The following NEDD4L variants were observed in gnomAD, a reference collection of about 807,000 sequenced individuals.
NEDD4L encodes E3 ubiquitin-protein ligase NEDD4-like.
In NEDD4L, 54 loss-of-function variants were observed where a neutral mutation model predicts 148.9. That is an observed-to-expected ratio of 0.36 (90% CI 0.29 to 0.45). The LOEUF (loss-of-function observed/expected upper bound fraction) is 0.45, where lower values mean the gene tolerates loss of function less well. Among genes scored for constraint, NEDD4L ranks in the 20% least tolerant of loss-of-function variants. The pLI is 1.00. For missense variants in NEDD4L, 856 were observed against 1,233.8 expected (o/e 0.69, Z 4.59); for synonymous variants, 433 against 440.7 (o/e 0.98, Z 0.22).
intron 5 of NEDD4L, among the ~76,000 whole-genome samples, chr18:58,296,933 AAAAGTT>A (rs2149200766): frequency 6.6e-6 from 1 of 151,176 alleles, no homozygotes; most frequent in Admixed American, 6.6e-5. Context: ...AAAAAAGAAA[AAAAGTT>A]AAACGAGTGT....
At chr18:58,285,883 A>G (rs978537685) in intron 5 of NEDD4L, among the ~76,000 whole-genome samples, 3 of 152,264 alleles carry the variant, frequency 2.0e-5, no homozygotes, top group South Asian at 2.1e-4. Context: ...TTTAAACAAC[A>G]TGTTCAGCAA....
At chr18:58,388,195 ACTGT>A (rs1249242585) in intron 27 of NEDD4L, 4 of 152,368 alleles carry the variant, frequency 2.6e-5, no homozygotes, top group East Asian at 1.9e-4. Flanking sequence ...CAGGGGAAAG[ACTGT>A]CTGTTGAGAA....
chr18:58,310,440 G>C (rs112990292), intron 5 of NEDD4L, among the ~76,000 whole-genome samples: 3 of 152,214 alleles, frequency 2.0e-5, no homozygotes, highest in Non-Finnish European at 4.4e-5. Context: ...GTGAATTTTG[G>C]TAGGAGTATG....
intron 5 of NEDD4L, among the ~76,000 whole-genome samples, chr18:58,281,308 CTTT>C (rs113081403): frequency 6.8e-6 from 1 of 146,336 alleles, no homozygotes. Context: ...AGTCTCTCTC[CTTT>C]TTTTTTTTTT....
rs532292184 is a variant in NEDD4L, at chr18:58,178,311, T to C, written c.122+12450T>C. Among the ~76,000 whole-genome samples the C allele has an allele frequency of 4.0e-4, 61 of 152,372 alleles. No homozygotes were observed. In the South Asian group the frequency reaches 5.0e-3, roughly 12 times the overall value. On this transcript the variant is annotated intron_variant, in intron 2 of 30. Coordinates refer to ENST00000400345, the MANE Select transcript of NEDD4L (RefSeq NM_001144967.3). ...AGATAGTGCAGTAGCTTTTTATTTA[T>C]TTTCTTTTCCATTCAAGGGTAACAT... is the stretch of plus-strand genomic sequence containing the variant.
At chr18:58,270,452 C>T (rs2050876485) in intron 5 of NEDD4L, among the ~76,000 whole-genome samples, 2 of 152,116 alleles carry the variant, frequency 1.3e-5, no homozygotes, top group East Asian at 3.9e-4. Context: ...AATGAACTGC[C>T]CATAGTCTGG....
intron 2 of NEDD4L, among the ~76,000 whole-genome samples, chr18:58,191,497 A>T (rs568064369): frequency 1.2e-4 from 18 of 152,186 alleles, no homozygotes; most frequent in Non-Finnish European, 2.2e-4. Flanking sequence ...TTTGCAGGTA[A>T]GTTCCCTGGA....
At chr18:58,278,114 G>A (rs1031161201) in intron 5 of NEDD4L, among the ~76,000 whole-genome samples, 7 of 151,798 alleles carry the variant, frequency 4.6e-5, no homozygotes, top group Non-Finnish European at 1.0e-4. Context: ...AAAAAAAATT[G>A]AAGCAAGTCC....
chr18:58,330,885 T>G lies in NEDD4L; in HGVS notation c.961T>G (p.Ser321Ala), dbSNP rs376389246. ...CAGAAGGCTTCAGATCACTCCAGACTCCAATGGGGAACAGTTCAGCTCTTT... is the reference window on the plus strand; with the variant it reads ...CAGAAGGCTTCAGATCACTCCAGACGCCAATGGGGAACAGTTCAGCTCTTT... ...LSRRLQITPD[S>A]NGEQFSSLIQ... Residue 321 changes from serine (S) to alanine (A), a missense_variant, in exon 11 of 31, where the codon TCC (serine) becomes GCC (alanine). Coordinates refer to ENST00000400345, the MANE Select transcript of NEDD4L (RefSeq NM_001144967.3). 9 of 1,613,796 alleles carry G rather than the reference T, an allele frequency of 5.6e-6. No homozygotes were observed. The African/African-American group carries it at 1.2e-4, about 22-fold the overall frequency.
chr18:58,335,410 G>A (rs933244723), intron 12 of NEDD4L, 68 bp from the exon 13 acceptor site: 1 of 1,276,010 alleles, frequency 7.8e-7, no homozygotes. Flanking sequence ...CACAGCAGTG[G>A]GCCCTGATTC....
chr18:58,315,483 T>G (rs1344610495), intron 5 of NEDD4L, among the ~76,000 whole-genome samples: 1 of 151,696 alleles, frequency 6.6e-6, no homozygotes, highest in Non-Finnish European at 1.5e-5. Flanking sequence ...AAAAAAACAA[T>G]GTACTTACTG....
intron 23 of NEDD4L, chr18:58,371,676 T>C (rs12455173): frequency 0.17 from 25,770 of 152,520 alleles, 2,339 homozygotes; most frequent in South Asian, 0.29. Flanking sequence ...TGCTCCTCAT[T>C]GTATGAAAGG....
chr18:58,281,821 C>T (rs368416784), intron 5 of NEDD4L, among the ~76,000 whole-genome samples: 1 of 151,800 alleles, frequency 6.6e-6, no homozygotes, highest in Non-Finnish European at 1.5e-5. Context: ...GTCAGGAGAT[C>T]GAGACCGTCC....
chr18:58,129,890 G>A (rs2031777541), intron 1 of NEDD4L, among the ~76,000 whole-genome samples: 1 of 150,486 alleles, frequency 6.6e-6, no homozygotes, highest in South Asian at 2.1e-4. Flanking sequence ...TGGAACTGTG[G>A]CTGTGTTGGG....
At position 58,151,657 on chromosome 18, in the gene NEDD4L, G is replaced by A. The variant is rs1568291253; in HGVS notation, c.49-14131G>A. On this transcript the variant is annotated intron_variant, in intron 1 of 30. Transcript: ENST00000400345. ...TGTGTGTGTGTGTGTGTGTGTGTGT[G>A]TTGGCTGGAGAAGGCTTACCAGTGG... Among the ~76,000 whole-genome samples the A allele has an allele frequency of 5.3e-5, 8 of 151,876 alleles. No individual in the cohort carries two copies. In the South Asian group the frequency reaches 1.7e-3, roughly 32 times the overall value.
At chr18:58,143,002 G>C (rs1279163812) in intron 1 of NEDD4L, among the ~76,000 whole-genome samples, 1 of 152,196 alleles carries the variant, frequency 6.6e-6, no homozygotes, top group Non-Finnish European at 1.5e-5. Context: ...TCCCACCTGT[G>C]GGGAAGAGGC....
intron 2 of NEDD4L, among the ~76,000 whole-genome samples, chr18:58,177,039 C>T (rs2038242129): frequency 6.6e-6 from 1 of 152,136 alleles, no homozygotes; most frequent in Non-Finnish European, 1.5e-5. Flanking sequence ...AAGTATGAGG[C>T]CAGTCCTAGG....
intron 2 of NEDD4L, among the ~76,000 whole-genome samples, chr18:58,231,723 C>T (rs758079953): frequency 4.0e-5 from 6 of 151,896 alleles, no homozygotes; most frequent in East Asian, 1.9e-4. Context: ...CCACCATGCC[C>T]GGCTAATTTT....
chr18:58,281,263 C>A (rs2053031327), intron 5 of NEDD4L, among the ~76,000 whole-genome samples: 1 of 151,930 alleles, frequency 6.6e-6, no homozygotes, highest in Non-Finnish European at 1.5e-5. Flanking sequence ...CAAGTGTAAG[C>A]TGCTGTAAGC....
Sources: allele counts gnomAD v4.1 joint callset (sites outside exome capture counted in the v4.1 genomes callset), GRCh38; gene constraint gnomAD v4.1.1; transcripts MANE v1.5; gene names NCBI Gene and HGNC (gene_info 2026-07-23, HGNC 2026-07-21).